The following WDR77 variants were observed in gnomAD, a reference collection of about 807,000 sequenced individuals.
WDR77 encodes WD repeat domain 77.
A neutral mutation model predicts 44.0 loss-of-function variants in WDR77; 31 were observed. The observed-to-expected ratio is 0.70, with a 90% confidence interval of 0.53 to 0.95. The LOEUF is 0.95. Ranked by LOEUF, WDR77 falls within the 40% of genes least tolerant of loss-of-function variation. The pLI is 0.00. For missense variants in WDR77, 390 were observed against 423.9 expected, an observed-to-expected ratio of 0.92 and a Z score of 0.70; for synonymous variants, 186 against 165.7, an observed-to-expected ratio of 1.12 and a Z score of -0.94.
At position 111,447,453 on chromosome 1, in the gene WDR77, C is replaced by T; in HGVS notation, c.425G>A (p.Ser142Asn). The change falls in exon 3 of 10, where the codon AGT becomes AAT. Residue 142 changes from serine (S) to asparagine (N), a missense_variant. Ser to Asn is a conservative substitution (Grantham distance 46). Coordinates refer to ENST00000235090, the MANE Select transcript of WDR77 (RefSeq NM_024102.4). ...GACCCACCAGATGTCTTTGCTACCA[C>T]TGACAGCTTGTGTGCCAGAGCTCAA... ...SVLSSGTQAV[S>N]GSKDICIKVW... 6.2e-7 allele frequency: 1 copy of T among 1,614,198 alleles called. No homozygotes were observed. The highest frequency in any genetic ancestry group is 8.5e-7 in the Non-Finnish European group (1 of 1,180,024).
intron 6 of WDR77, 196 bp from the exon 7 acceptor site, chr1:111,443,590 G>A (rs1389969027): frequency 2.2e-5 from 21 of 944,002 alleles, no homozygotes; most frequent in South Asian, 1.5e-4. Flanking sequence ...CGAGTCACAG[G>A]CAAGTTTCAG....
In WDR77 at chr1:111,441,210, CT is replaced by C; in HGVS notation, c.*19del. The C allele has an allele frequency of 2.0e-6, 3 of 1,471,428 alleles. No individual in the cohort carries two copies. In the South Asian group the frequency reaches 4.4e-5, roughly 21 times the overall value. The allele number at this position is 1,471,428 out of a possible 1,614,324, so 91.1% of individuals were successfully genotyped here. On this transcript the variant is annotated 3_prime_UTR_variant, in exon 10 of 10. Transcript: ENST00000235090. ...GAAGTGGACACTCATGGGGGACTTG[CT>C]TTTTGTCTTAAATCCAATCTACTCA...
At chr1:111,447,652 C>T in intron 2 of WDR77, 76 bp from the exon 3 acceptor site, 3 of 1,531,192 alleles carry the variant, frequency 2.0e-6, no homozygotes, top group Non-Finnish European at 2.7e-6. Flanking sequence ...ATTCAAAGAG[C>T]CATTGTCACT....
intron 4 of WDR77, 85 bp downstream of exon 4, chr1:111,447,010 T>C (rs1230163174): frequency 2.2e-6 from 3 of 1,372,000 alleles, no homozygotes; most frequent in Non-Finnish European, 3.1e-6. Context: ...GAACATGGAA[T>C]TGCTGCTCCT....
chr1:111,442,195 GC>G (rs2101740944), intron 8 of WDR77, 102 bp from the exon 9 acceptor site: 2 of 1,124,330 alleles, frequency 1.8e-6, no homozygotes, highest in East Asian at 4.8e-5. Context: ...CCCAGGAGAG[GC>G]AGCCTGATTC....
Position 111,443,385 on chromosome 1 carries a change from G to C in WDR77, c.629C>G (p.Ala210Gly). The stretch of plus-strand genomic sequence containing the variant: ...CAGCGAGGTAGGAAGGTAGCCAGGC[G>C]CACTGCAGCCTGCAAAGGAGAGACG... ...PKPASQIGCS[A>G]PGYLPTSLAW... Residue 210 changes from alanine to glycine, a missense_variant, in exon 7 of 10, where the codon GCG becomes GGG. Transcript: ENST00000235090. 8 of 1,552,366 alleles carry C rather than the reference G, an allele frequency of 5.2e-6. No homozygotes were observed. The highest frequency in any genetic ancestry group is 7.0e-6 in the Non-Finnish European group (8 of 1,147,288).
At chr1:111,443,992 AC>A (rs1332069806) in intron 5 of WDR77, 61 bp downstream of exon 5, 1 of 1,609,666 alleles carries the variant, frequency 6.2e-7, no homozygotes, top group Non-Finnish European at 8.5e-7. Context: ...AAGTCTCCCC[AC>A]TAGAGACTTT....
intron 2 of WDR77, 125 bp downstream of exon 2, chr1:111,448,494 A>T: frequency 8.8e-7 from 1 of 1,133,016 alleles, no homozygotes; most frequent in Non-Finnish European, 1.3e-6. Flanking sequence ...CGGGGCCAAC[A>T]CTCTCAGGCT....
In WDR77 at chr1:111,449,166, G is replaced by A; in HGVS notation, c.4C>T (p.Arg2Trp). ...ACTAGGGGGGGTGGGGTTTCCTTCC[G>A]CATCTCCACGGTTCCAACTCCAACC... MRKETPPPLVPP... is the reference protein window; with the variant it reads MWKETPPPLVPP... The change falls in exon 1 of 10, where the codon CGG becomes TGG. Residue 2 changes from arginine (R) to tryptophan (W), a missense_variant. Arg to Trp is a moderately radical substitution (Grantham distance 101). Transcript: ENST00000235090. 1.3e-6 allele frequency: 2 copies of A among 1,577,052 alleles called. No homozygotes were observed. Among genetic ancestry groups the A allele is most frequent in the African/African-American group, 1.3e-5 (1 of 74,634 alleles).
At chr1:111,444,246 A>G in intron 4 of WDR77, 122 bp from the exon 5 acceptor site, 2 of 904,280 alleles carry the variant, frequency 2.2e-6, no homozygotes, top group Non-Finnish European at 3.5e-6. Flanking sequence ...GCAATTTAAC[A>G]AATTTTGTGG....
chr1:111,441,487 T>C, intron 9 of WDR77, 98 bp from the exon 10 acceptor site: 1 of 1,387,116 alleles, frequency 7.2e-7, no homozygotes, highest in Non-Finnish European at 9.4e-7. Flanking sequence ...ATTTTTTGGG[T>C]GTGTTACACA....
At position 111,442,040 on chromosome 1, in the gene WDR77, G is replaced by T; in HGVS notation, c.854C>A (p.Ser285Ter). The stretch of plus-strand genomic sequence containing the variant: ...TCACACTTACAACTCAGAAAGGCTT[G>T]AGTCCAGCACAGCAAGTGAGCAGTC... ...SEDCSLAVLD[S>*]SLSELFRSQA... Residue 285 changes from serine (S) to a stop codon, truncating the protein, a stop_gained, in exon 9 of 10, where the codon TCA becomes TAA. Transcript: ENST00000235090. LOFTEE classifies it high-confidence loss of function. 1 of 1,614,100 alleles carries T rather than the reference G, an allele frequency of 6.2e-7. No homozygotes were observed. The highest frequency in any genetic ancestry group is 8.5e-7 in the Non-Finnish European group (1 of 1,179,974).
chr1:111,442,783 T>A, intron 7 of WDR77, 22 bp from the exon 8 acceptor site: 1 of 1,506,558 alleles, frequency 6.6e-7, no homozygotes, highest in East Asian at 2.3e-5. Context: ...AAGGAACATG[T>A]CATAGTGATT....
At chr1:111,444,205 G>T in intron 4 of WDR77, 81 bp from the exon 5 acceptor site, 1 of 1,408,216 alleles carries the variant, frequency 7.1e-7, no homozygotes, top group Non-Finnish European at 1.0e-6. Flanking sequence ...ATAATCAAGG[G>T]GCAGGAGGGA....
intron 1 of WDR77, 85 bp downstream of exon 1, chr1:111,448,970 G>A: frequency 3.2e-6 from 5 of 1,539,100 alleles, no homozygotes; most frequent in Non-Finnish European, 4.4e-6. Context: ...CATGCAGGGC[G>A]GGGATGGGCT....
In WDR77 at chr1:111,443,398, C is replaced by T; in HGVS notation, c.620-4G>A. The T allele has an allele frequency of 6.4e-7, 1 of 1,552,062 alleles. No individual in the cohort carries two copies. The highest frequency in any genetic ancestry group is 1.7e-4 in the Middle Eastern group (1 of 5,978). On this transcript the variant is annotated splice_region_variant and splice_polypyrimidine_tract_variant and intron_variant, in intron 6 of 9. Transcript: ENST00000235090. ...AGGTAGCCAGGCGCACTGCAGCCTG[C>T]AAAGGAGAGACGAGGGTCTGGACCA...
In WDR77 at chr1:111,441,333, T is replaced by C. The variant is rs201514516; in HGVS notation, c.926A>G (p.Asn309Ser). The change falls in exon 10 of 10, where the codon AAT becomes AGT. Residue 309 changes from asparagine to serine, a missense_variant. Asn to Ser is a conservative substitution (Grantham distance 46). Transcript: ENST00000235090. ...FVRDATWSPL[N>S]HSLLTTVGWD... ...GCCCACTGTGGTAAGCAGGGAGTGA[T>C]TGAGCGGGGACCAAGTCGCATCTCT... 263 of 1,579,610 alleles carry C rather than the reference T, an allele frequency of 1.7e-4. 2 individuals carry two copies. Among genetic ancestry groups the C allele is most frequent in the South Asian group, 1.7e-3 (144 of 86,818 alleles).
chr1:111,445,837 C>T (rs560787220), intron 4 of WDR77, among the ~76,000 whole-genome samples: 4 of 152,064 alleles, frequency 2.6e-5, no homozygotes, highest in South Asian at 2.1e-4. Flanking sequence ...GGCGTGATCT[C>T]GACTCACTGC....
intron 1 of WDR77, 81 bp from the exon 2 acceptor site, chr1:111,448,885 C>G (rs1181721622): frequency 6.6e-7 from 1 of 1,515,486 alleles, no homozygotes; most frequent in East Asian, 2.6e-5. Flanking sequence ...GCGTTCCGGC[C>G]GGGTCTGGAT....
Sources: gnomAD v4.1 joint callset for allele counts (sites outside exome capture counted in the v4.1 genomes callset) on GRCh38, gnomAD v4.1.1 for gene constraint, MANE v1.5 for transcripts, NCBI Gene and HGNC (gene_info 2026-07-23, HGNC 2026-07-21) for gene names.